Variants in CCDC30 observed in about 807,000 individuals in gnomAD.
CCDC30 encodes coiled-coil domain-containing protein 30.
CCDC30 carries 70 observed loss-of-function variants against 100.2 expected under a neutral mutation model. That is an observed-to-expected ratio of 0.70 (90% CI 0.58 to 0.85). The LOEUF is 0.85. CCDC30 is among the 40% of genes least tolerant of loss of function. CCDC30 has a pLI of 0.00. For synonymous variants in CCDC30, 233 were observed against 269.5 expected (o/e 0.86, Z 1.33); for missense variants, 652 against 771.2 (o/e 0.85, Z 1.83).
At chr1:42,537,336 C>A in intron 6 of CCDC30, 1 of 446,416 alleles carries the variant, frequency 2.2e-6, no homozygotes, top group Non-Finnish European at 4.5e-6. Context: ...GATAGTGACA[C>A]TCAATCAGTT....
chr1:42,486,561 A>G (rs1257544464), intron 3 of CCDC30, among the ~76,000 whole-genome samples: 1 of 152,134 alleles, frequency 6.6e-6, no homozygotes, highest in Non-Finnish European at 1.5e-5. Flanking sequence ...CCAGGTAGAC[A>G]TTTTACATGT....
At chr1:42,456,256 G>A in the CCDC30 span, 2 of 601,228 alleles carry the variant, frequency 3.3e-6, no homozygotes, top group East Asian at 2.8e-5. Context: ...AGTCCAGAAA[G>A]GCCCGTACAG....
intron 1 of CCDC30, among the ~76,000 whole-genome samples, chr1:42,469,335 A>G (rs1213134527): frequency 1.3e-5 from 2 of 152,226 alleles, no homozygotes; most frequent in Non-Finnish European, 2.9e-5. Context: ...TGAGCTATGG[A>G]TATGGCATTT....
At chr1:42,650,976 G>T (rs980429424) in intron 15 of CCDC30, among the ~76,000 whole-genome samples, 1 of 152,098 alleles carries the variant, frequency 6.6e-6, no homozygotes, top group Non-Finnish European at 1.5e-5. Flanking sequence ...ATTGAGAAAA[G>T]GACAGTCCCT....
chr1:42,485,498 A>T (rs1465276585), intron 3 of CCDC30, among the ~76,000 whole-genome samples: 1 of 152,178 alleles, frequency 6.6e-6, no homozygotes, highest in Non-Finnish European at 1.5e-5. Context: ...GCCCAATTTA[A>T]AAATGGGCAA....
intron 11 of CCDC30, among the ~76,000 whole-genome samples, chr1:42,626,548 C>T (rs1278404233): frequency 6.6e-6 from 1 of 151,746 alleles, no homozygotes; most frequent in Non-Finnish European, 1.5e-5. Context: ...TTGAGGTTAC[C>T]ATAAGGCTTG....
At chr1:42,610,707 G>A (rs1646602237) in intron 10 of CCDC30, among the ~76,000 whole-genome samples, 1 of 152,160 alleles carries the variant, frequency 6.6e-6, no homozygotes, top group South Asian at 2.1e-4. Context: ...TTATGGGTGT[G>A]AGTCATCACA....
intron 15 of CCDC30, among the ~76,000 whole-genome samples, chr1:42,648,446 G>A (rs767625110): frequency 9.9e-5 from 15 of 152,012 alleles, no homozygotes; most frequent in Admixed American, 2.0e-4. Flanking sequence ...CAAGGCAGGC[G>A]GATCACAAGG....
At chr1:42,549,099 G>T (rs1019258059) in intron 6 of CCDC30, among the ~76,000 whole-genome samples, 2 of 152,072 alleles carry the variant, frequency 1.3e-5, no homozygotes, top group African/African-American at 4.8e-5. Flanking sequence ...AAAACTTTAG[G>T]AATTCTGCAG....
In CCDC30 at chr1:42,564,341, G is replaced by A. The variant is rs1180735809; in HGVS notation, c.457-1955G>A. ...CAGGATTTTTGTTTTTTTTGAGACA[G>A]AGTCTCTGTCACTCAGGCTGAAGTG... On this transcript the variant is annotated intron_variant, in intron 6 of 16. Coordinates refer to ENST00000668663, the Ensembl canonical transcript of CCDC30. 3.9e-5 allele frequency among the ~76,000 whole-genome samples: 6 copies of A among 152,142 alleles called. No individual in the cohort carries two copies. In the East Asian group the frequency reaches 9.6e-4, roughly 24 times the overall value.
chr1:42,520,007 T>C (rs1307106021), intron 6 of CCDC30, among the ~76,000 whole-genome samples: 1 of 152,196 alleles, frequency 6.6e-6, no homozygotes, highest in Non-Finnish European at 1.5e-5. Context: ...CTCTTTTTTC[T>C]TAGTAAATAT....
intron 10 of CCDC30, among the ~76,000 whole-genome samples, chr1:42,606,682 G>A (rs1042578154): frequency 2.6e-5 from 4 of 152,156 alleles, no homozygotes; most frequent in Admixed American, 2.6e-4. Flanking sequence ...ACTGTGTTTA[G>A]TGCAATACCA....
At chr1:42,628,657 C>T (rs1646976387) in intron 11 of CCDC30, among the ~76,000 whole-genome samples, 1 of 152,198 alleles carries the variant, frequency 6.6e-6, no homozygotes, top group East Asian at 1.9e-4. Context: ...ATGGGTTTAT[C>T]AGAGGTTGCT....
In CCDC30 at chr1:42,596,042, C is replaced by T. The variant is rs1646281300; in HGVS notation, c.1164+6559C>T. 6.6e-6 allele frequency among the ~76,000 whole-genome samples: 1 copy of T among 152,218 alleles called. No individual in the cohort carries two copies. Among genetic ancestry groups the T allele is most frequent in the Non-Finnish European group, 1.5e-5 (1 of 68,038 alleles). On this transcript the variant is annotated intron_variant, in intron 10 of 16. Coordinates refer to ENST00000668663, the Ensembl canonical transcript of CCDC30. This position sits in a 1 kb window ranked among gnomAD's most constrained non-coding sequence, Gnocchi z 4.3. ...TGCCAAACAAACTGAAAAATCAACA[C>T]ATTTCCCTAGATCCTTCAGAGAAGA...
intron 6 of CCDC30, 23 bp downstream of exon 7, chr1:42,536,624 TTTC>T (rs1370814021): frequency 5.4e-6 from 8 of 1,471,946 alleles, no homozygotes; most frequent in Admixed American, 1.8e-5. Context: ...AGGAAGCTGT[TTTC>T]TTCTTCTTGT....
chr1:42,622,542 C>G (rs1646858970), intron 11 of CCDC30, among the ~76,000 whole-genome samples: 1 of 152,148 alleles, frequency 6.6e-6, no homozygotes, highest in African/African-American at 2.4e-5. Context: ...TTCTTTCTCA[C>G]TGCAAACTCT....
chr1:42,588,700 A>G (rs1646125506), intron 9 of CCDC30, among the ~76,000 whole-genome samples: 1 of 152,190 alleles, frequency 6.6e-6, no homozygotes, highest in Non-Finnish European at 1.5e-5. Flanking sequence ...GGGGATGGGT[A>G]TAATTGTTCT....
intron 11 of CCDC30, among the ~76,000 whole-genome samples, chr1:42,627,832 C>T (rs1223728288): frequency 2.6e-5 from 4 of 152,210 alleles, no homozygotes; most frequent in Non-Finnish European, 5.9e-5. Flanking sequence ...CCTGGATGCC[C>T]AGGCAAAAGT....
intron 10 of CCDC30, among the ~76,000 whole-genome samples, chr1:42,608,659 C>G (rs539528158): frequency 1.4e-5 from 2 of 148,038 alleles, no homozygotes; most frequent in African/African-American, 2.5e-5. Flanking sequence ...GAGCCGAGAT[C>G]GCGCCACTGC....
Sources: allele counts gnomAD v4.1 joint callset (sites outside exome capture counted in the v4.1 genomes callset), GRCh38; gene constraint gnomAD v4.1.1; non-coding constraint Gnocchi (gnomAD v3.1); transcripts MANE v1.5; gene names NCBI Gene and HGNC (gene_info 2026-07-23, HGNC 2026-07-21).